The following ATP8A1 variants were observed in gnomAD, a reference collection of about 807,000 sequenced individuals.
ATP8A1 encodes the protein phospholipid-transporting ATPase IA.
ATP8A1 carries 90 observed loss-of-function variants against 177.7 expected under a neutral mutation model. That is an observed-to-expected ratio of 0.51 (90% CI 0.43 to 0.60). The LOEUF (loss-of-function observed/expected upper bound fraction) is 0.60. ATP8A1 is among the 20% of genes least tolerant of loss of function. The probability of loss-of-function intolerance (pLI) is 0.00; values close to 1 mark genes in which losing one functional copy is unlikely to be tolerated. For missense variants in ATP8A1, 1,072 were observed against 1,392.8 expected (o/e 0.77, Z 3.67); for synonymous variants, 493 against 485.9 (o/e 1.01, Z -0.19).
At chr4:42,429,381 G>GTTTT (rs140094527) in intron 33 of ATP8A1, among the ~76,000 whole-genome samples, 11 of 150,146 alleles carry the variant, frequency 7.3e-5, no homozygotes, top group Non-Finnish European at 1.2e-4. Flanking sequence ...AAATAAAAGT[G>GTTTT]TTTTGTTTTT....
At chr4:42,571,283 T>C (rs541898598) in intron 14 of ATP8A1, among the ~76,000 whole-genome samples, 1 of 152,296 alleles carries the variant, frequency 6.6e-6, no homozygotes, top group African/African-American at 2.4e-5. Context: ...ACACAGTATA[T>C]TCATATATAA....
chr4:42,447,978 C>CT (rs2153176272), intron 30 of ATP8A1, among the ~76,000 whole-genome samples: 1 of 152,198 alleles, frequency 6.6e-6, no homozygotes, highest in South Asian at 2.1e-4. Context: ...CTATGGATCT[C>CT]TTTACACTAA....
chr4:42,472,375 T>C (rs1449245684), intron 25 of ATP8A1: 4 of 370,880 alleles, frequency 1.1e-5, no homozygotes, highest in Admixed American at 3.0e-5. Context: ...AGAGTTTCCA[T>C]TGTAAACAAA....
rs1036369116 is a variant in ATP8A1, at chr4:42,503,487, T to A, written c.2114A>T (p.Asn705Ile). 12 of 1,608,628 alleles carry A rather than the reference T, an allele frequency of 7.5e-6. No individual in the cohort carries two copies. Among genetic ancestry groups the A allele is most frequent in the Non-Finnish European group, 9.3e-6 (11 of 1,176,584 alleles). The change falls in exon 24 of 37, where the codon AAC (asparagine) becomes ATC (isoleucine). Residue 705 changes from asparagine (N) to isoleucine (I), a missense_variant. Physicochemically the swap from Asn to Ile is moderately radical, Grantham distance 149 (BLOSUM62 -3). Coordinates refer to ENST00000381668, the MANE Select transcript of ATP8A1 (RefSeq NM_006095.2). ...IGHSCKLLKK[N>I]MGMIVINEGS... ...TTCATTTATAACAATCATTCCCATG[T>A]TCTTCTTCAACAGTTTGCAGGAGTG...
chr4:42,599,642 G>T (rs1252895538), intron 6 of ATP8A1, among the ~76,000 whole-genome samples: 2 of 152,074 alleles, frequency 1.3e-5, no homozygotes, highest in African/African-American at 4.8e-5. Flanking sequence ...TAGAATCAAG[G>T]GCATGGACTT....
At chr4:42,475,145 C>A (rs1720906435) in intron 25 of ATP8A1, among the ~76,000 whole-genome samples, 1 of 152,118 alleles carries the variant, frequency 6.6e-6, no homozygotes, top group African/African-American at 2.4e-5. Flanking sequence ...GATTCAATCC[C>A]AAGCAGTGTG....
At chr4:42,623,374 A>G (rs1013949511) in intron 4 of ATP8A1, among the ~76,000 whole-genome samples, 9 of 152,196 alleles carry the variant, frequency 5.9e-5, no homozygotes, top group African/African-American at 1.7e-4. Context: ...AAATCATTCT[A>G]TTATAAAGAC....
At chr4:42,453,798 T>C (rs1023942645) in intron 29 of ATP8A1, among the ~76,000 whole-genome samples, 1 of 152,178 alleles carries the variant, frequency 6.6e-6, no homozygotes, top group Non-Finnish European at 1.5e-5. Flanking sequence ...GTGAGAATTA[T>C]TGTTAGTATA....
At chr4:42,413,096 G>T in intron 36 of ATP8A1, 83 bp from the exon 37 acceptor site, 1 of 1,125,272 alleles carries the variant, frequency 8.9e-7, no homozygotes. Flanking sequence ...TCATTTTCTA[G>T]CCTGGGGAAC....
At chr4:42,622,347 A>C (rs1737559405) in intron 4 of ATP8A1, among the ~76,000 whole-genome samples, 1 of 152,102 alleles carries the variant, frequency 6.6e-6, no homozygotes, top group Non-Finnish European at 1.5e-5. Flanking sequence ...GCGCCACTGC[A>C]CTCCAGCCTG....
intron 20 of ATP8A1, among the ~76,000 whole-genome samples, chr4:42,530,371 C>T (rs1435549919): frequency 6.6e-6 from 1 of 152,230 alleles, no homozygotes; most frequent in Non-Finnish European, 1.5e-5. Flanking sequence ...AGAGGTTTAT[C>T]CTCACTGGAA....
chr4:42,547,600 A>C (rs900127631), intron 19 of ATP8A1, among the ~76,000 whole-genome samples: 3 of 152,234 alleles, frequency 2.0e-5, no homozygotes, highest in African/African-American at 7.2e-5. Flanking sequence ...GATATAATAC[A>C]AATAAGCTTG....
chr4:42,624,655 A>AG, intron 3 of ATP8A1, 21 bp from the exon 4 acceptor site: 1 of 1,210,670 alleles, frequency 8.3e-7, no homozygotes, highest in Non-Finnish European at 1.1e-6. Flanking sequence ...AAAAAAAAAA[A>AG]AGAGAAATCC....
chr4:42,437,297 C>A (rs1226773151), intron 33 of ATP8A1, among the ~76,000 whole-genome samples: 2 of 152,090 alleles, frequency 1.3e-5, no homozygotes, highest in East Asian at 3.9e-4. Flanking sequence ...CCTAGAAATT[C>A]AAAAAATACT....
intron 24 of ATP8A1, among the ~76,000 whole-genome samples, chr4:42,488,397 C>CAA (rs796564428): frequency 1.4e-5 from 2 of 141,690 alleles, no homozygotes; most frequent in African/African-American, 2.6e-5. Context: ...TGCAATCCAG[C>CAA]AAAAAAAAAA....
chr4:42,591,115 T>G (rs984789058), intron 6 of ATP8A1, among the ~76,000 whole-genome samples: 6 of 152,124 alleles, frequency 3.9e-5, no homozygotes, highest in African/African-American at 1.4e-4. Flanking sequence ...TTAGCCCAAT[T>G]TAAAGTTTTA....
intron 29 of ATP8A1, among the ~76,000 whole-genome samples, chr4:42,454,167 T>A (rs1434728113): frequency 6.6e-6 from 1 of 152,194 alleles, no homozygotes; most frequent in African/African-American, 2.4e-5. Context: ...GTTGTATGCA[T>A]GTGTACAGCT....
At chr4:42,631,095 A>G (rs377383117) in intron 1 of ATP8A1, among the ~76,000 whole-genome samples, 151 of 152,338 alleles carry the variant, frequency 9.9e-4, no homozygotes, top group African/African-American at 3.5e-3. Flanking sequence ...AGCCTCATAA[A>G]AATGGGAGGC....
chr4:42,530,028 G>A lies in ATP8A1; in HGVS notation c.1723-5181C>T, dbSNP rs565712097. ...GTGAAGATATTTGTATCCCATGTGAGTGCTCACCAACGGGTAATCTCAGCA... is the reference window on the plus strand; with the variant it reads ...GTGAAGATATTTGTATCCCATGTGAATGCTCACCAACGGGTAATCTCAGCA... On this transcript the variant is annotated intron_variant, in intron 20 of 36. Coordinates refer to ENST00000381668, the MANE Select transcript of ATP8A1 (RefSeq NM_006095.2). 5.3e-5 allele frequency among the ~76,000 whole-genome samples: 8 copies of A among 152,342 alleles called. No individual in the cohort carries two copies. The South Asian group carries it at 6.2e-4, about 12-fold the overall frequency.
Sources: gnomAD v4.1 joint callset for allele counts (sites outside exome capture counted in the v4.1 genomes callset) on GRCh38, gnomAD v4.1.1 for gene constraint, MANE v1.5 for transcripts, NCBI Gene and HGNC (gene_info 2026-07-23, HGNC 2026-07-21) for gene names.